The following CNTNAP4 variants were observed in gnomAD, a reference collection of about 807,000 sequenced individuals.
The protein encoded by CNTNAP4 is contactin-associated protein-like 4.
In CNTNAP4, 98 loss-of-function variants were observed where a neutral mutation model predicts 148.4. That is an observed-to-expected ratio of 0.66 (90% CI 0.56 to 0.78). The LOEUF is 0.78. Ranked by LOEUF, CNTNAP4 falls within the 30% of genes least tolerant of loss-of-function variation. CNTNAP4 has a pLI of 0.00. For missense variants in CNTNAP4, 1,935 were observed against 1,565.6 expected (o/e 1.24, Z -3.98); for synonymous variants, 730 against 565.1 (o/e 1.29, Z -4.14).
intron 2 of CNTNAP4, among the ~76,000 whole-genome samples, chr16:76,332,512 C>A (rs1011475023): frequency 1.4e-4 from 21 of 151,984 alleles, no homozygotes; most frequent in African/African-American, 5.1e-4. Flanking sequence ...AATCTGGCCA[C>A]CTCAACCTCC....
chr16:76,442,180 G>A (rs893833451), intron 4 of CNTNAP4, among the ~76,000 whole-genome samples: 1 of 152,060 alleles, frequency 6.6e-6, no homozygotes, highest in Non-Finnish European at 1.5e-5. Flanking sequence ...AAGAAAGGAA[G>A]ATTTGAAGAT....
chr16:76,351,489 A>G (rs2011754010), intron 2 of CNTNAP4, among the ~76,000 whole-genome samples: 1 of 152,170 alleles, frequency 6.6e-6, no homozygotes, highest in African/African-American at 2.4e-5. Flanking sequence ...CTAACACTCT[A>G]TCACACGCTA....
intron 1 of CNTNAP4, among the ~76,000 whole-genome samples, chr16:76,312,099 G>C (rs988215764): frequency 5.3e-5 from 8 of 152,144 alleles, no homozygotes; most frequent in Non-Finnish European, 1.2e-4. Flanking sequence ...CTAGTTTTCT[G>C]AGTTGCTTTA....
At position 76,340,273 on chromosome 16, in the gene CNTNAP4, C is replaced by A. The variant is rs370510021; in HGVS notation, c.197-15045C>A. Among the ~76,000 whole-genome samples the A allele has an allele frequency of 1.1e-4, 17 of 152,252 alleles. 2 individuals are homozygous for A. The highest frequency in any genetic ancestry group is 2.4e-4 in the African/African-American group (10 of 41,558). Reference sequence around the variant, plus strand: ...GAACATAGCTGCCCAAGTTCCCCCCCAAATCCTATATGCTTACCCAAATCC... The same window carrying A: ...GAACATAGCTGCCCAAGTTCCCCCCAAAATCCTATATGCTTACCCAAATCC... On this transcript the variant is annotated intron_variant, in intron 2 of 23. Coordinates refer to ENST00000611870, the MANE Select transcript of CNTNAP4 (RefSeq NM_033401.5).
At chr16:76,422,000 C>T (rs978236861) in intron 3 of CNTNAP4, among the ~76,000 whole-genome samples, 2 of 152,126 alleles carry the variant, frequency 1.3e-5, no homozygotes, top group African/African-American at 2.4e-5. Flanking sequence ...GGCTTTTATA[C>T]GTGAGTTGCT....
intron 11 of CNTNAP4, among the ~76,000 whole-genome samples, chr16:76,477,266 T>G (rs949698352): frequency 2.6e-5 from 4 of 152,154 alleles, no homozygotes; most frequent in African/African-American, 9.7e-5. Flanking sequence ...CCCATGTTAT[T>G]TCATTGTCCA....
chr16:76,516,925 A>C (rs1323332366), intron 15 of CNTNAP4, among the ~76,000 whole-genome samples: 1 of 152,142 alleles, frequency 6.6e-6, no homozygotes, highest in Non-Finnish European at 1.5e-5. Context: ...TTAGCCAGGC[A>C]TAGTGGTGTG....
chr16:76,409,856 A>T (rs1313317124), intron 3 of CNTNAP4, among the ~76,000 whole-genome samples: 1 of 151,924 alleles, frequency 6.6e-6, no homozygotes, highest in African/African-American at 2.4e-5. Flanking sequence ...AACTGTCTGT[A>T]ACACTGTGCC....
intron 3 of CNTNAP4, among the ~76,000 whole-genome samples, chr16:76,357,805 A>G (rs2012884059): frequency 6.6e-6 from 1 of 152,204 alleles, no homozygotes; most frequent in South Asian, 2.1e-4. Context: ...CCAATTTAAT[A>G]TACCAGTTAG....
intron 2 of CNTNAP4, among the ~76,000 whole-genome samples, chr16:76,333,835 A>C (rs565213133): frequency 3.2e-5 from 3 of 92,326 alleles, no homozygotes; most frequent in South Asian, 6.2e-4. Flanking sequence ...AAAAAAGCCT[A>C]TTCTTCCACA....
chr16:76,461,976 C>A lies in CNTNAP4; in HGVS notation c.1354C>A (p.Gln452Lys), dbSNP rs1329016549. ...CCTAGGTGTCGAATTAAATGATGGG[C>A]AGTGGCATTCTGTCTCTTTATCTGC... Reference protein sequence around the residue: ...ITAGVELNDGQWHSVSLSAKK... With the variant: ...ITAGVELNDGKWHSVSLSAKK... The change falls in exon 9 of 24, where the codon CAG (glutamine) becomes AAG (lysine). Residue 452 changes from glutamine to lysine, a missense_variant. Transcript: ENST00000611870. 2 of 1,613,732 alleles carry A rather than the reference C, an allele frequency of 1.2e-6. No individual in the cohort carries two copies. The highest frequency in any genetic ancestry group is 1.1e-5 in the South Asian group (1 of 91,062).
chr16:76,277,634 T>C lies in CNTNAP4; in HGVS notation c.-29T>C. 1 of 1,537,136 alleles carries C rather than the reference T, an allele frequency of 6.5e-7. No homozygotes were observed. Among genetic ancestry groups the C allele is most frequent in the Non-Finnish European group, 8.9e-7 (1 of 1,121,770 alleles). On this transcript the variant is annotated 5_prime_UTR_variant, in exon 1 of 24. Transcript: ENST00000611870. ...GGAGCGCTCTGAGAGCCTCTCAAGATCTTTTGGGGGAGCCCAATAAATGTG... is the reference window on the plus strand; with the variant it reads ...GGAGCGCTCTGAGAGCCTCTCAAGACCTTTTGGGGGAGCCCAATAAATGTG...
intron 3 of CNTNAP4, among the ~76,000 whole-genome samples, chr16:76,412,787 G>C (rs2078843696): frequency 1.3e-5 from 2 of 151,214 alleles, no homozygotes; most frequent in Admixed American, 6.6e-5. Flanking sequence ...ATTTTTAAAT[G>C]AACAAAGTTC....
intron 2 of CNTNAP4, among the ~76,000 whole-genome samples, chr16:76,351,690 A>G (rs1003231112): frequency 6.6e-6 from 1 of 152,218 alleles, no homozygotes; most frequent in Non-Finnish European, 1.5e-5. Context: ...CACCCCAGGT[A>G]AGGAATTGAA....
At chr16:76,463,474 A>G (rs775188852) in intron 9 of CNTNAP4, among the ~76,000 whole-genome samples, 3 of 152,202 alleles carry the variant, frequency 2.0e-5, no homozygotes, top group Non-Finnish European at 4.4e-5. Context: ...GTAATTTTAT[A>G]GTAAAATATA....
intron 2 of CNTNAP4, among the ~76,000 whole-genome samples, chr16:76,338,243 G>A (rs6564324): frequency 0.78 from 119,117 of 152,116 alleles, 47,086 homozygotes; most frequent in East Asian, 0.89. Flanking sequence ...ATAGATGTCC[G>A]TGAAATCTTC....
At chr16:76,384,077 C>T (rs954721001) in intron 3 of CNTNAP4, among the ~76,000 whole-genome samples, 27 of 151,262 alleles carry the variant, frequency 1.8e-4, no homozygotes, top group East Asian at 3.9e-4. Flanking sequence ...GGAGTCTCGC[C>T]CTGTTGCCCA....
chr16:76,416,660 T>C (rs893958591), intron 3 of CNTNAP4, among the ~76,000 whole-genome samples: 22 of 151,480 alleles, frequency 1.5e-4, no homozygotes, highest in African/African-American at 5.3e-4. Flanking sequence ...TGACCGATAA[T>C]ACATGGTGAA....
chr16:76,316,566 A>C, intron 2 of CNTNAP4, 43 bp downstream of exon 2: 1,578 of 1,279,388 alleles, frequency 1.2e-3, no homozygotes, highest in Non-Finnish European at 1.6e-3. Flanking sequence ...AGAAAATCTC[A>C]CTAGTTTTTC....
Sources: allele counts gnomAD v4.1 joint callset (sites outside exome capture counted in the v4.1 genomes callset), GRCh38; gene constraint gnomAD v4.1.1; transcripts MANE v1.5; gene names NCBI Gene and HGNC (gene_info 2026-07-23, HGNC 2026-07-21).